CYRIB: variants seen among roughly 807,000 people sequenced by gnomAD.
The protein encoded by CYRIB is CYFIP-related Rac1 interactor B.
A neutral mutation model predicts 44.2 loss-of-function variants in CYRIB; 8 were observed. The observed-to-expected ratio is 0.18, with a 90% CI of 0.11 to 0.33. The LOEUF (loss-of-function observed/expected upper bound fraction) is 0.33, where lower values mean the gene tolerates loss of function less well. CYRIB is among the 10% of genes least tolerant of loss of function. The pLI is 1.00. For missense variants in CYRIB, 185 were observed against 382.8 expected (o/e 0.48, Z 4.31); for synonymous variants, 131 against 127.2 (o/e 1.03, Z -0.20).
At chr8:129,841,898 A>T in exon 12 of CYRIB, 1 of 407,210 alleles carries the variant, frequency 2.5e-6, no homozygotes, top group Non-Finnish European at 4.4e-6. Context: ...ACCCCAATGC[A>T]ATGCATAATT....
intron 2 of CYRIB, among the ~76,000 whole-genome samples, chr8:129,963,957 CA>C (rs1436763990): frequency 3.3e-5 from 5 of 152,204 alleles, no homozygotes; most frequent in African/African-American, 1.2e-4. Flanking sequence ...ACAACAGCAT[CA>C]AAACAGCCCT....
intron 2 of CYRIB, chr8:129,894,635 A>C (rs2066999963): frequency 6.6e-6 from 1 of 152,184 alleles, no homozygotes; most frequent in South Asian, 2.1e-4. Context: ...TTGTAGGAGC[A>C]GTGTGAATAG....
intron 3 of CYRIB, among the ~76,000 whole-genome samples, chr8:129,873,264 C>T (rs1329260465): frequency 2.0e-5 from 3 of 151,876 alleles, no homozygotes; most frequent in Non-Finnish European, 4.4e-5. Context: ...TAAAAAGACT[C>T]TCTATCCAAG....
chr8:129,999,088 C>A (rs2096848343), intron 1 of CYRIB, among the ~76,000 whole-genome samples: 1 of 152,032 alleles, frequency 6.6e-6, no homozygotes, highest in African/African-American at 2.4e-5. Flanking sequence ...CTCAATTATT[C>A]ACCCTAACAG....
At chr8:129,957,425 CA>C (rs1197125471) in intron 2 of CYRIB, among the ~76,000 whole-genome samples, 1 of 152,198 alleles carries the variant, frequency 6.6e-6, no homozygotes, top group Non-Finnish European at 1.5e-5. Flanking sequence ...ATAGTTAAAT[CA>C]GTTATCATCA....
intron 2 of CYRIB, among the ~76,000 whole-genome samples, chr8:129,891,227 G>A (rs990737125): frequency 6.6e-6 from 1 of 152,186 alleles, no homozygotes. Flanking sequence ...GCTTCTTGTG[G>A]TTTCTATTAA....
chr8:129,850,946 A>T, intron 8 of CYRIB, 32 bp from the exon 11 acceptor site: 1 of 1,381,088 alleles, frequency 7.2e-7, no homozygotes, highest in Non-Finnish European at 1.0e-6. Flanking sequence ...AAAAAAAGTA[A>T]AAGTAACAAA....
chr8:129,965,795 C>T (rs78835286), intron 2 of CYRIB, among the ~76,000 whole-genome samples: 2 of 132,238 alleles, frequency 1.5e-5, no homozygotes, highest in Non-Finnish European at 1.6e-5. Flanking sequence ...GACTCTGTCT[C>T]AAAAAAAAAA....
chr8:129,885,159 G>A (rs184285386), intron 2 of CYRIB, among the ~76,000 whole-genome samples: 1 of 151,888 alleles, frequency 6.6e-6, no homozygotes, highest in Non-Finnish European at 1.5e-5. Flanking sequence ...TTTTAATTTT[G>A]TCTCCTCTTC....
At chr8:129,845,384 G>A (rs1368617271) in intron 11 of CYRIB, among the ~76,000 whole-genome samples, 1 of 152,164 alleles carries the variant, frequency 6.6e-6, no homozygotes, top group African/African-American at 2.4e-5. Flanking sequence ...AAGAAACCAA[G>A]GAGGAAAGAC....
At chr8:129,940,489 C>CCT (rs2093606857), upstream of CYRIB, among the ~76,000 whole-genome samples, 1 of 152,170 alleles carries the variant, frequency 6.6e-6, no homozygotes, top group African/African-American at 2.4e-5. Flanking sequence ...GACCCCTGTT[C>CCT]TGGGGTCGAC....
At chr8:129,938,922 G>A (rs2093289954) in intron 1 of CYRIB, among the ~76,000 whole-genome samples, 1 of 152,104 alleles carries the variant, frequency 6.6e-6, no homozygotes, top group Admixed American at 6.6e-5. Flanking sequence ...TTATAGATTT[G>A]GGTAATTATA....
rs191407770 is a variant in CYRIB, at chr8:129,890,053, C to T, written c.-10-10582G>A. 4.8e-4 allele frequency among the ~76,000 whole-genome samples: 73 copies of T among 152,162 alleles called. No individual in the cohort carries two copies. The South Asian group carries it at 0.01, about 21-fold the overall frequency. The stretch of plus-strand genomic sequence containing the variant: ...ACTCCCAAAGTGCTAGGATTACAGG[C>T]GCGAGCCATTACTCCCAGCCGAAAA... On this transcript the variant is annotated intron_variant, in intron 2 of 11. Coordinates refer to ENST00000519824, the Ensembl canonical transcript of CYRIB.
rs1051883842 is a variant in CYRIB at position 129,864,710 on chromosome 8, G to A, written c.196-2376C>T. 10 of 308,872 alleles carry A rather than the reference G, an allele frequency of 3.2e-5. No homozygotes were observed. The Admixed American group carries it at 4.0e-4, about 12-fold the overall frequency. The allele number at this position is 308,872 out of a possible 1,614,324, so 19.1% of individuals were successfully genotyped here. A position where few individuals can be genotyped will look rare whatever the true frequency, so the allele number is the denominator to read the frequency against. On this transcript the variant is annotated intron_variant, in intron 4 of 11. Coordinates refer to ENST00000519824, the Ensembl canonical transcript of CYRIB. ...TAAGGGTGCAATGTATGGGTAGCCT[G>A]TCCTTTATGGTGGTAATCTGCTGAA...
At chr8:129,992,094 G>A (rs974454347) in intron 1 of CYRIB, among the ~76,000 whole-genome samples, 2 of 151,956 alleles carry the variant, frequency 1.3e-5, no homozygotes, top group African/African-American at 2.4e-5. Flanking sequence ...GCTGAGGCAT[G>A]CAGAGTGCTT....
chr8:130,005,582 C>G (rs560605576), intron 1 of CYRIB, among the ~76,000 whole-genome samples: 9 of 152,136 alleles, frequency 5.9e-5, no homozygotes, highest in Non-Finnish European at 1.3e-4. Flanking sequence ...GAGATTCTAA[C>G]AAGAGGTTAC....
chr8:129,879,653 C>T, intron 2 of CYRIB, 182 bp from the exon 5 acceptor site: 1 of 543,808 alleles, frequency 1.8e-6, no homozygotes, highest in Non-Finnish European at 3.2e-6. Context: ...ATATGTAGGA[C>T]CTAGAGGTGA....
At chr8:129,957,092 G>C (rs898849950) in intron 2 of CYRIB, among the ~76,000 whole-genome samples, 2 of 152,064 alleles carry the variant, frequency 1.3e-5, no homozygotes, top group African/African-American at 4.8e-5. Context: ...AAACTCCTGG[G>C]CTCAAGCAAT....
At chr8:129,859,346 G>T (rs2047996329) in intron 5 of CYRIB, among the ~76,000 whole-genome samples, 1 of 152,180 alleles carries the variant, frequency 6.6e-6, no homozygotes, top group Admixed American at 6.5e-5. Context: ...CGGACTAGGA[G>T]CGCGACCACT....
Sources: allele counts gnomAD v4.1 joint callset (sites outside exome capture counted in the v4.1 genomes callset), GRCh38; gene constraint gnomAD v4.1.1; transcripts MANE v1.5; gene names NCBI Gene and HGNC (gene_info 2026-07-23, HGNC 2026-07-21).